Variants in UGGT2 observed in about 807,000 individuals in gnomAD.
UGGT2 encodes the protein UDP-glucose:glycoprotein glucosyltransferase 2.
In UGGT2, 180 loss-of-function variants were observed where a neutral mutation model predicts 192.1. The ratio of observed to expected loss-of-function variants is 0.94; its 90% confidence interval spans 0.83 to 1.06. The LOEUF (loss-of-function observed/expected upper bound fraction) is 1.06, where lower values mean the gene tolerates loss of function less well. Among genes scored for constraint, UGGT2 ranks in the 50% least tolerant of loss-of-function variants. The pLI is 0.00. For synonymous variants in UGGT2, 580 were observed against 591.0 expected, an observed-to-expected ratio of 0.98 and a Z score of 0.27; for missense variants, 1,849 against 1,795.7, an observed-to-expected ratio of 1.03 and a Z score of -0.54.
At chr13:95,810,199 AT>A (rs2139741351) in intron 38 of UGGT2, among the ~76,000 whole-genome samples, 1 of 152,298 alleles carries the variant, frequency 6.6e-6, no homozygotes. Context: ...ACCAGTGATA[AT>A]CCATGACTTC....
In UGGT2 at chr13:95,927,379, T is replaced by C. The variant is rs746667708; in HGVS notation, c.1978-43A>G. On this transcript the variant is annotated intron_variant, in intron 17 of 38. Transcript: ENST00000376747. Reference sequence around the variant, plus strand: ...TTATTTAGATAATACAGGCAATTTATATCCATGTTTCAAAAAGTATGCAGA... The same window carrying C: ...TTATTTAGATAATACAGGCAATTTACATCCATGTTTCAAAAAGTATGCAGA... The C allele has an allele frequency of 1.4e-5, 21 of 1,514,414 alleles. 1 individual carries two copies. The South Asian group carries it at 2.8e-4, about 20-fold the overall frequency. The allele number at this position is 1,514,414 out of a possible 1,614,324, so 93.8% of individuals were successfully genotyped here. A position where few individuals can be genotyped will look rare whatever the true frequency, so the allele number is the denominator to read the frequency against.
chr13:95,935,969 G>A (rs946192794), intron 17 of UGGT2, among the ~76,000 whole-genome samples: 2 of 152,106 alleles, frequency 1.3e-5, no homozygotes, highest in Non-Finnish European at 2.9e-5. Context: ...TGGGACTAGA[G>A]GCACTCATCA....
At chr13:95,856,717 C>G (rs917239770) in intron 33 of UGGT2, 4 of 377,058 alleles carry the variant, frequency 1.1e-5, no homozygotes, top group Non-Finnish European at 2.0e-5. Context: ...ATGTATATGT[C>G]AACAGGTTGG....
intron 38 of UGGT2, among the ~76,000 whole-genome samples, chr13:95,829,741 C>G (rs578153590): frequency 6.6e-6 from 1 of 151,954 alleles, no homozygotes; most frequent in Non-Finnish European, 1.5e-5. Context: ...AATGGCCACA[C>G]TGCCCAAGGT....
chr13:95,825,358 T>C (rs1885921109), intron 38 of UGGT2, among the ~76,000 whole-genome samples: 2 of 152,080 alleles, frequency 1.3e-5, no homozygotes, highest in Non-Finnish European at 2.9e-5. Flanking sequence ...GAGGGAGCTC[T>C]CAATTAGATG....
chr13:96,048,685 C>G (rs1306316721), intron 1 of UGGT2, among the ~76,000 whole-genome samples: 1 of 152,102 alleles, frequency 6.6e-6, no homozygotes, highest in African/African-American at 2.4e-5. Context: ...ATCCAAACTA[C>G]CATCAGAGAA....
intron 38 of UGGT2, among the ~76,000 whole-genome samples, chr13:95,824,002 G>T (rs1414012149): frequency 6.6e-6 from 1 of 152,082 alleles, no homozygotes; most frequent in Admixed American, 6.6e-5. Flanking sequence ...CTCTGAAAAT[G>T]ACTTCATTTC....
At chr13:95,866,415 T>C (rs570540144) in intron 30 of UGGT2, among the ~76,000 whole-genome samples, 3 of 152,294 alleles carry the variant, frequency 2.0e-5, no homozygotes, top group African/African-American at 7.2e-5. Flanking sequence ...GCCTTCATAC[T>C]AGAAAAATTT....
Position 95,970,209 on chromosome 13 carries a change from A to G in UGGT2, c.1238T>C (p.Leu413Pro), listed in dbSNP as rs1375727195. 6.2e-7 allele frequency: 1 copy of G among 1,613,416 alleles called. No homozygotes were observed. The highest frequency in any genetic ancestry group is 1.7e-5 in the Admixed American group (1 of 60,008). The change falls in exon 12 of 39, where the codon CTT becomes CCT. Residue 413 changes from leucine to proline, a missense_variant. By Grantham distance (98) the Leu-to-Pro change is moderately conservative. Transcript: ENST00000376747. ...GCTCATATCTTCCCCATTGATCCCA[A>G]GATTGCGAAGGCCATTCATCATTTT... The part of the protein sequence containing the change: ...EGKMMNGLRN[L>P]GINGEDMSKF...
rs1236162913 is a variant in UGGT2 at position 95,867,331 on chromosome 13, C to A, written c.3558+8G>T. 6.3e-7 allele frequency: 1 copy of A among 1,597,754 alleles called. No homozygotes were observed. The highest frequency in any genetic ancestry group is 1.1e-5 in the South Asian group (1 of 87,352). ...ACAAAGCCTATAAAAAGTTCTGCCC[C>A]CACATACTTTTACTTTGAGTATCTT... is the stretch of plus-strand genomic sequence containing the variant. On this transcript the variant is annotated splice_region_variant and intron_variant, in intron 30 of 38. Transcript: ENST00000376747.
chr13:95,925,822 TAAAAC>T (rs763154282), intron 19 of UGGT2, 48 bp from the exon 20 acceptor site: 16 of 1,358,208 alleles, frequency 1.2e-5, no homozygotes, highest in East Asian at 7.3e-5. Flanking sequence ...TTTTAAAAAA[TAAAAC>T]AAAAGCAGGG....
intron 1 of UGGT2, among the ~76,000 whole-genome samples, chr13:96,036,863 T>C (rs2053019314): frequency 6.6e-6 from 1 of 151,586 alleles, no homozygotes; most frequent in Non-Finnish European, 1.5e-5. Context: ...CAAGCGATCC[T>C]CCCACTGCAG....
At chr13:95,802,298 ACT>A (rs1222882081) in intron 38 of UGGT2, among the ~76,000 whole-genome samples, 1 of 152,128 alleles carries the variant, frequency 6.6e-6, no homozygotes, top group Non-Finnish European at 1.5e-5. Context: ...TTCTGATGAG[ACT>A]CTCAGAGAAC....
chr13:95,963,210 T>C (rs2050457549), intron 12 of UGGT2, among the ~76,000 whole-genome samples: 1 of 151,802 alleles, frequency 6.6e-6, no homozygotes, highest in African/African-American at 2.4e-5. Context: ...TACACCATGA[T>C]CAAGTGGGAT....
chr13:95,843,999 C>T (rs770844060), intron 36 of UGGT2, among the ~76,000 whole-genome samples: 12 of 151,824 alleles, frequency 7.9e-5, no homozygotes, highest in Non-Finnish European at 1.2e-4. Context: ...TTGTTCTTGT[C>T]GCCCAGGCTG....
At position 95,860,843 on chromosome 13, in the gene UGGT2, C is replaced by G. The variant is rs978942204; in HGVS notation, c.3685G>C (p.Asp1229His). 1.3e-6 allele frequency: 2 copies of G among 1,564,692 alleles called. No homozygotes were observed. The highest frequency in any genetic ancestry group is 1.7e-6 in the Non-Finnish European group (2 of 1,157,228). The change falls in exon 32 of 39, where the codon GAT (aspartate) becomes CAT (histidine). Residue 1229 changes from aspartate (D) to histidine (H), a missense_variant. Asp to His is a moderately conservative substitution (Grantham distance 81). Transcript: ENST00000376747. ...GCAACTGAAAAAATGTTTAGGACAT[C>G]TTTTTCCTTTTTGTTTTCTTTATGC... ...SLHKENKKEK[D>H]VLNIFSVASG...
Position 96,053,388 on chromosome 13 carries a change from C to G in UGGT2, c.-76G>C. 1 of 1,515,176 alleles carries G rather than the reference C, an allele frequency of 6.6e-7. No individual in the cohort carries two copies. Among genetic ancestry groups the G allele is most frequent in the South Asian group, 1.2e-5 (1 of 81,054 alleles). The allele number at this position is 1,515,176 out of a possible 1,614,324, so 93.9% of individuals were successfully genotyped here. A position where few individuals can be genotyped will look rare whatever the true frequency, so the allele number is the denominator to read the frequency against. On this transcript the variant is annotated 5_prime_UTR_variant, in exon 1 of 39. Transcript: ENST00000376747. ...GGCCGCCACGCTTCGGCCGGCTCTT[C>G]CCGCTGCGCGGCTGCCCACTTCCGG...
intron 17 of UGGT2, among the ~76,000 whole-genome samples, chr13:95,931,627 G>C (rs908604469): frequency 2.6e-5 from 4 of 152,146 alleles, no homozygotes; most frequent in Non-Finnish European, 4.4e-5. Context: ...GGCAGATGAG[G>C]CAGCGAGAAT....
At chr13:95,990,111 C>T in intron 7 of UGGT2, 38 bp from the exon 8 acceptor site, 6 of 1,332,032 alleles carry the variant, frequency 4.5e-6, no homozygotes, top group Non-Finnish European at 6.3e-6. Flanking sequence ...GTAGCATCAC[C>T]TATCACAAAC....
Sources: gnomAD v4.1 joint callset for allele counts (sites outside exome capture counted in the v4.1 genomes callset) on GRCh38, gnomAD v4.1.1 for gene constraint, MANE v1.5 for transcripts, NCBI Gene and HGNC (gene_info 2026-07-23, HGNC 2026-07-21) for gene names.